SMYD3: variants seen among roughly 807,000 people sequenced by gnomAD.
SMYD3 encodes the protein SET and MYND domain containing 3.
In SMYD3, 36 loss-of-function variants were observed where a neutral mutation model predicts 57.7. That is an observed-to-expected ratio of 0.62 (90% CI 0.48 to 0.82). The LOEUF is 0.82. Among genes scored for constraint, SMYD3 ranks in the 40% least tolerant of loss-of-function variants. The pLI is 0.00. For synonymous variants in SMYD3, 211 were observed against 195.0 expected, an observed-to-expected ratio of 1.08 and a Z score of -0.68; for missense variants, 515 against 538.8, an observed-to-expected ratio of 0.96 and a Z score of 0.44.
chr1:246,007,005 G>A (rs1170562231), intron 5 of SMYD3, among the ~76,000 whole-genome samples: 1 of 152,200 alleles, frequency 6.6e-6, no homozygotes, highest in Admixed American at 6.5e-5. Flanking sequence ...ACACGGTTCT[G>A]TTCTGAGGTG....
intron 8 of SMYD3, among the ~76,000 whole-genome samples, chr1:245,873,919 C>T (rs185584924): frequency 4.6e-5 from 7 of 152,320 alleles, no homozygotes; most frequent in Admixed American, 4.6e-4. Context: ...TGCCTCCTGG[C>T]TCCGCTTGCC....
At chr1:246,239,238 C>A (rs1253860740) in intron 5 of SMYD3, among the ~76,000 whole-genome samples, 1 of 152,058 alleles carries the variant, frequency 6.6e-6, no homozygotes, top group Non-Finnish European at 1.5e-5. Context: ...CTAATGCTAT[C>A]CCTCCCCTCT....
intron 5 of SMYD3, among the ~76,000 whole-genome samples, chr1:246,103,496 C>T (rs2061056972): frequency 6.6e-6 from 1 of 151,920 alleles, no homozygotes; most frequent in African/African-American, 2.4e-5. Context: ...TTCCCAAACC[C>T]CACTCATTCA....
In SMYD3 at chr1:246,317,025, T is replaced by A. The variant is rs979482120; in HGVS notation, c.531+10176A>T. Among the ~76,000 whole-genome samples, 29 of 149,816 alleles carry A rather than the reference T, an allele frequency of 1.9e-4. 1 individual carries two copies. The highest frequency in any genetic ancestry group is 3.4e-3 in the Middle Eastern group (1 of 292). ...TAAATAAATAAATAAAATAAAAATT[T>A]AAAAAAAAAGGAAACAGCTAAGAAT... On this transcript the variant is annotated intron_variant, in intron 5 of 11. Coordinates refer to ENST00000490107, the MANE Select transcript of SMYD3 (RefSeq NM_001167740.2).
intron 5 of SMYD3, among the ~76,000 whole-genome samples, chr1:245,981,826 G>A (rs1250525547): frequency 6.6e-6 from 1 of 152,200 alleles, no homozygotes; most frequent in Admixed American, 6.5e-5. Context: ...CATAGAACTT[G>A]TTGCAGAAAG....
intron 5 of SMYD3, among the ~76,000 whole-genome samples, chr1:246,263,985 T>C (rs1304322317): frequency 6.6e-6 from 1 of 152,176 alleles, no homozygotes; most frequent in Non-Finnish European, 1.5e-5. Flanking sequence ...AATCAAGCTT[T>C]TAATTTCTGA....
At chr1:246,009,091 A>G (rs1261417537) in intron 5 of SMYD3, among the ~76,000 whole-genome samples, 1 of 152,208 alleles carries the variant, frequency 6.6e-6, no homozygotes, top group Non-Finnish European at 1.5e-5. Flanking sequence ...TCAGTAAATG[A>G]TAACTATATA....
At chr1:246,192,960 C>T (rs2062764840) in intron 5 of SMYD3, among the ~76,000 whole-genome samples, 2 of 150,948 alleles carry the variant, frequency 1.3e-5, no homozygotes, top group African/African-American at 4.9e-5. Flanking sequence ...ATAATGAAGG[C>T]TTTTAATGTA....
chr1:246,193,423 A>G (rs983739191), intron 5 of SMYD3, among the ~76,000 whole-genome samples: 33 of 152,354 alleles, frequency 2.2e-4, no homozygotes, highest in African/African-American at 7.5e-4. Context: ...ATTCTTCAGA[A>G]TATGTTTATT....
intron 5 of SMYD3, among the ~76,000 whole-genome samples, chr1:246,016,885 C>T (rs1480704151): frequency 1.3e-5 from 2 of 151,942 alleles, no homozygotes; most frequent in Non-Finnish European, 2.9e-5. Context: ...AGCATCCTGC[C>T]TTGTCGGTCT....
chr1:246,118,179 A>G lies in SMYD3; in HGVS notation c.532-188242T>C, dbSNP rs1417260250. Among the ~76,000 whole-genome samples the G allele has an allele frequency of 2.0e-5, 3 of 152,258 alleles. No homozygotes were observed. In the East Asian group the frequency reaches 5.8e-4, roughly 29 times the overall value. ...ACACACTAAAGGATAAATTTAAGGT[A>G]AAAACAGTAGCTGACTTTTAGTTTA... On this transcript the variant is annotated intron_variant, in intron 5 of 11. Coordinates refer to ENST00000490107, the MANE Select transcript of SMYD3 (RefSeq NM_001167740.2).
chr1:246,307,609 C>T (rs1329642162), intron 5 of SMYD3, among the ~76,000 whole-genome samples: 3 of 151,726 alleles, frequency 2.0e-5, no homozygotes, highest in Admixed American at 6.6e-5. Flanking sequence ...TTAGTAGAGA[C>T]GGGGTTTCAC....
At chr1:246,053,948 C>A (rs2148333534) in intron 5 of SMYD3, among the ~76,000 whole-genome samples, 1 of 152,064 alleles carries the variant, frequency 6.6e-6, no homozygotes, top group Non-Finnish European at 1.5e-5. Flanking sequence ...AAATTAAAAA[C>A]TTCGGCTCTT....
intron 1 of SMYD3, among the ~76,000 whole-genome samples, chr1:246,500,135 A>G (rs929653489): frequency 1.3e-5 from 2 of 152,140 alleles, no homozygotes; most frequent in South Asian, 2.1e-4. Context: ...TCTCTCAACC[A>G]TTCTTCTTTG....
intron 5 of SMYD3, among the ~76,000 whole-genome samples, chr1:246,271,763 C>T (rs964641567): frequency 1.3e-5 from 2 of 152,108 alleles, no homozygotes; most frequent in Admixed American, 6.6e-5. Context: ...TTCAAGATAA[C>T]TTTAGCTATT....
chr1:246,457,889 A>G (rs2067728107), intron 1 of SMYD3, among the ~76,000 whole-genome samples: 2 of 152,332 alleles, frequency 1.3e-5, no homozygotes, highest in East Asian at 1.9e-4. Context: ...ATTCTTTCCA[A>G]AAGTTTTTCT....
intron 5 of SMYD3, chr1:245,955,964 A>C: frequency 1.0e-6 from 1 of 984,786 alleles, no homozygotes; most frequent in Non-Finnish European, 1.2e-6. Flanking sequence ...AGACCTCTTG[A>C]TGTGTCTTCT....
chr1:246,269,859 C>A (rs1457717534), intron 5 of SMYD3, among the ~76,000 whole-genome samples: 2 of 152,136 alleles, frequency 1.3e-5, no homozygotes, highest in Non-Finnish European at 2.9e-5. Flanking sequence ...GGGCGTGTAC[C>A]ACCACACCCA....
intron 1 of SMYD3, among the ~76,000 whole-genome samples, chr1:246,410,796 G>A (rs1572475050): frequency 6.6e-6 from 1 of 152,012 alleles, no homozygotes; most frequent in African/African-American, 2.4e-5. Flanking sequence ...AATCCATCTG[G>A]TCCTGGACTT....
Sources: allele counts gnomAD v4.1 joint callset (sites outside exome capture counted in the v4.1 genomes callset), GRCh38; gene constraint gnomAD v4.1.1; transcripts MANE v1.5; gene names NCBI Gene and HGNC (gene_info 2026-07-23, HGNC 2026-07-21).